Variants in SMAD1 observed in about 807,000 individuals in gnomAD.
The protein encoded by SMAD1 is MAD, mothers against decapentaplegic homolog 1.
In SMAD1, 6 loss-of-function variants were observed where a neutral mutation model predicts 41.6. That is an observed-to-expected ratio of 0.14 (90% CI 0.08 to 0.28). The LOEUF is 0.28. Ranked by LOEUF, SMAD1 falls within the 10% of genes least tolerant of loss-of-function variation. SMAD1 has a pLI of 1.00. For synonymous variants in SMAD1, 206 were observed against 203.2 expected (o/e 1.01, Z -0.12); for missense variants, 379 against 582.6 (o/e 0.65, Z 3.60).
At chr4:145,518,310 A>G (rs562409146) in intron 2 of SMAD1, among the ~76,000 whole-genome samples, 1 of 125,126 alleles carries the variant, frequency 8.0e-6, no homozygotes, top group African/African-American at 2.5e-5. Context: ...GCAGCATAGT[A>G]AAACCCCATC....
At chr4:145,547,043 T>G in intron 5 of SMAD1, 119 bp downstream of exon 5, 1 of 770,180 alleles carries the variant, frequency 1.3e-6, no homozygotes, top group Non-Finnish European at 2.2e-6. Context: ...AATGTTCACT[T>G]GCTGCAGTTT....
At chr4:145,547,515 A>G (rs537703748) in intron 5 of SMAD1, among the ~76,000 whole-genome samples, 1 of 152,374 alleles carries the variant, frequency 6.6e-6, no homozygotes, top group South Asian at 2.1e-4. Flanking sequence ...GTAAGTGACT[A>G]TATATCCTCA....
chr4:145,484,913 T>G lies in SMAD1; in HGVS notation c.-177+2875T>G, dbSNP rs920302192. The G allele has an allele frequency of 8.5e-5, 13 of 152,336 alleles. No individual in the cohort carries two copies. In the East Asian group the frequency reaches 2.5e-3, roughly 29 times the overall value. 9.4% of individuals were successfully genotyped at this position (152,336 alleles called of 1,614,324 possible). A position where few individuals can be genotyped will look rare whatever the true frequency, so the allele number is the denominator to read the frequency against. ...TTTAACTAGTCAAACTTACCAGGCCTATACCAGAAACAAAGATATTTGAAT... is the reference window on the plus strand; with the variant it reads ...TTTAACTAGTCAAACTTACCAGGCCGATACCAGAAACAAAGATATTTGAAT... On this transcript the variant is annotated intron_variant, in intron 1 of 6. Transcript: ENST00000302085.
At chr4:145,550,136 A>C (rs1015666023) in intron 5 of SMAD1, among the ~76,000 whole-genome samples, 11 of 152,358 alleles carry the variant, frequency 7.2e-5, no homozygotes, top group Middle Eastern at 3.4e-3. Flanking sequence ...GAAATAAGGC[A>C]AGATGATCAT....
chr4:145,548,389 C>T (rs184098856), intron 5 of SMAD1, among the ~76,000 whole-genome samples: 9 of 152,142 alleles, frequency 5.9e-5, no homozygotes, highest in East Asian at 3.9e-4. Context: ...CACCACCACA[C>T]TCGGCTAATT....
At chr4:145,493,106 G>A (rs1728861230) in intron 1 of SMAD1, among the ~76,000 whole-genome samples, 1 of 152,166 alleles carries the variant, frequency 6.6e-6, no homozygotes. Context: ...TGGCCCACTA[G>A]CATCCCCTAC....
intron 1 of SMAD1, among the ~76,000 whole-genome samples, chr4:145,486,907 A>G (rs1441637197): frequency 1.3e-5 from 2 of 152,042 alleles, no homozygotes; most frequent in African/African-American, 2.4e-5. Context: ...TTTTCTCCCT[A>G]CCACGCTCAC....
At position 145,540,272 on chromosome 4, in the gene SMAD1, C is replaced by G. The variant is rs548013363; in HGVS notation, c.658+211C>G. ...TTATTTTATTTGTCAGGCACAGATG[C>G]TTGAATAAGCTATATTTTCCCCTTG... On this transcript the variant is annotated intron_variant, in intron 3 of 6. Coordinates refer to ENST00000302085, the MANE Select transcript of SMAD1 (RefSeq NM_005900.3). Among the ~76,000 whole-genome samples the G allele has an allele frequency of 3.9e-5, 6 of 152,358 alleles. No homozygotes were observed. In the South Asian group the frequency reaches 1.2e-3, roughly 32 times the overall value.
At chr4:145,508,903 G>A (rs901697333) in intron 1 of SMAD1, among the ~76,000 whole-genome samples, 1 of 152,120 alleles carries the variant, frequency 6.6e-6, no homozygotes, top group African/African-American at 2.4e-5. Context: ...TGGGAGCTCC[G>A]TCCTCATGAC....
chr4:145,499,177 A>T (rs370830878), intron 1 of SMAD1, among the ~76,000 whole-genome samples: 1 of 152,316 alleles, frequency 6.6e-6, no homozygotes, highest in African/African-American at 2.4e-5. Flanking sequence ...TTTATACTAT[A>T]GGTTGAGCGA....
intron 4 of SMAD1, 26 bp from the exon 5 acceptor site, chr4:145,546,677 T>C: frequency 6.4e-7 from 1 of 1,559,916 alleles, no homozygotes; most frequent in South Asian, 1.1e-5. Context: ...CTAACCTTGG[T>C]TGATATAACA....
intron 2 of SMAD1, among the ~76,000 whole-genome samples, chr4:145,530,981 C>T (rs1328519766): frequency 6.6e-6 from 1 of 152,218 alleles, no homozygotes; most frequent in Non-Finnish European, 1.5e-5. Context: ...TCCCAATGGG[C>T]AAGGACAGTG....
intron 1 of SMAD1, chr4:145,497,485 T>C (rs1729154078): frequency 6.6e-6 from 1 of 152,218 alleles, no homozygotes; most frequent in Admixed American, 6.5e-5. Flanking sequence ...TGTGTTATAC[T>C]CATTTTCTTT....
At chr4:145,507,939 T>G (rs1729879010) in intron 1 of SMAD1, among the ~76,000 whole-genome samples, 1 of 152,182 alleles carries the variant, frequency 6.6e-6, no homozygotes, top group Non-Finnish European at 1.5e-5. Context: ...CAGGTAAAAA[T>G]TAGTCATCAG....
intron 1 of SMAD1, among the ~76,000 whole-genome samples, chr4:145,505,335 TA>T (rs1729707544): frequency 6.6e-6 from 1 of 152,228 alleles, no homozygotes; most frequent in Admixed American, 6.5e-5. Flanking sequence ...TCTGTAATAC[TA>T]ATTAATATTG....
rs748536621 is a variant in SMAD1, at chr4:145,514,794, C to T, written c.181C>T (p.Pro61Ser). 2 of 1,613,968 alleles carry T rather than the reference C, an allele frequency of 1.2e-6. No homozygotes were observed. The highest frequency in any genetic ancestry group is 2.7e-5 in the African/African-American group (2 of 74,912). The change falls in exon 2 of 7, where the codon CCG becomes TCG. Residue 61 changes from proline to serine, a missense_variant. Coordinates refer to ENST00000302085, the MANE Select transcript of SMAD1 (RefSeq NM_005900.3). The surrounding 1 kb of genome is among the most constrained non-coding windows in gnomAD (Gnocchi z 4.7). ...AAAGGCCTTGAGCTGCCCAGGGCAA[C>T]CGAGTAACTGTGTCACCATTCCCCG... is the stretch of plus-strand genomic sequence containing the variant. ...LEKALSCPGQ[P>S]SNCVTIPRSL...
chr4:145,488,881 T>C (rs1728631093), intron 1 of SMAD1, among the ~76,000 whole-genome samples: 1 of 152,084 alleles, frequency 6.6e-6, no homozygotes, highest in South Asian at 2.1e-4. Context: ...TACAAGGTAG[T>C]ATAGGAGTAA....
At chr4:145,540,194 T>G in intron 3 of SMAD1, 133 bp downstream of exon 3, 1 of 978,686 alleles carries the variant, frequency 1.0e-6, no homozygotes, top group Non-Finnish European at 1.5e-6. Context: ...TCTCGCACTT[T>G]TAGGATACAA....
chr4:145,509,894 T>C (rs2126383836), intron 1 of SMAD1, among the ~76,000 whole-genome samples: 1 of 152,306 alleles, frequency 6.6e-6, no homozygotes, highest in South Asian at 2.1e-4. Flanking sequence ...TGACGCTCCG[T>C]ATTTGGCTTT....
Sources: allele counts gnomAD v4.1 joint callset (sites outside exome capture counted in the v4.1 genomes callset), GRCh38; gene constraint gnomAD v4.1.1; non-coding constraint Gnocchi (gnomAD v3.1); transcripts MANE v1.5; gene names NCBI Gene and HGNC (gene_info 2026-07-23, HGNC 2026-07-21).